CNTNAP5: variants seen among roughly 807,000 people sequenced by gnomAD.
CNTNAP5 encodes contactin-associated protein-like 5.
CNTNAP5 carries 72 observed loss-of-function variants against 150.2 expected under a neutral mutation model. That is an observed-to-expected ratio of 0.48 (90% CI 0.40 to 0.58). The LOEUF (loss-of-function observed/expected upper bound fraction) is 0.58, where lower values mean the gene tolerates loss of function less well. CNTNAP5 is among the 20% of genes least tolerant of loss of function. The pLI is 0.00. For synonymous variants in CNTNAP5, 672 were observed against 619.8 expected (o/e 1.08, Z -1.25); for missense variants, 1,636 against 1,626.2 (o/e 1.01, Z -0.10).
chr2:124,597,250 C>T (rs1026666976), intron 11 of CNTNAP5, among the ~76,000 whole-genome samples: 2 of 149,854 alleles, frequency 1.3e-5, no homozygotes, highest in Non-Finnish European at 3.0e-5. Context: ...ATGGTCTTTA[C>T]ATTTTGGCAT....
intron 13 of CNTNAP5, among the ~76,000 whole-genome samples, chr2:124,736,625 G>A (rs1680387946): frequency 1.3e-5 from 2 of 152,268 alleles, no homozygotes; most frequent in South Asian, 4.1e-4. Context: ...CTTAATAGAT[G>A]TCTCTTTTTG....
rs1031235336 is a variant in CNTNAP5 at position 124,405,618 on chromosome 2, G to T, written c.382-11825G>T. On this transcript the variant is annotated intron_variant, in intron 3 of 23. Transcript: ENST00000682447. ...TCACCTTTAAAATGAAGATAAAACA[G>T]CCTACCTACTTCACAAGAATACTGT... 6.6e-5 allele frequency among the ~76,000 whole-genome samples: 10 copies of T among 152,220 alleles called. No homozygotes were observed. In the East Asian group the frequency reaches 1.5e-3, roughly 23 times the overall value.
intron 1 of CNTNAP5, among the ~76,000 whole-genome samples, chr2:124,136,559 C>G (rs541816949): frequency 6.6e-6 from 1 of 152,280 alleles, no homozygotes; most frequent in African/African-American, 2.4e-5. Context: ...TATTGAGCAT[C>G]TCATGTAATT....
At chr2:124,087,728 C>CA (rs1177876889) in intron 1 of CNTNAP5, among the ~76,000 whole-genome samples, 1 of 151,590 alleles carries the variant, frequency 6.6e-6, no homozygotes, top group Non-Finnish European at 1.5e-5. Context: ...TCTCCAAAAA[C>CA]AAAAAATATA....
At chr2:124,326,204 G>A (rs1216348372) in intron 3 of CNTNAP5, among the ~76,000 whole-genome samples, 1 of 152,142 alleles carries the variant, frequency 6.6e-6, no homozygotes, top group East Asian at 1.9e-4. Flanking sequence ...TGTATCCCCA[G>A]GGAGCCTGTG....
chr2:124,184,414 T>A (rs1291983994), intron 1 of CNTNAP5, among the ~76,000 whole-genome samples: 4 of 152,196 alleles, frequency 2.6e-5, no homozygotes, highest in African/African-American at 9.7e-5. Context: ...ACATTTCAGA[T>A]AAAGAATGAA....
chr2:124,172,707 C>G (rs1684961972), intron 1 of CNTNAP5, among the ~76,000 whole-genome samples: 1 of 152,124 alleles, frequency 6.6e-6, no homozygotes, highest in African/African-American at 2.4e-5. Flanking sequence ...AGCCATGGCA[C>G]CCGGCAGTAT....
At chr2:124,209,856 G>A (rs1399846017) in intron 1 of CNTNAP5, among the ~76,000 whole-genome samples, 1 of 152,210 alleles carries the variant, frequency 6.6e-6, no homozygotes, top group Non-Finnish European at 1.5e-5. Context: ...GATCAAGGAA[G>A]GCTATGGAGT....
intron 1 of CNTNAP5, among the ~76,000 whole-genome samples, chr2:124,140,829 T>C (rs1226743845): frequency 5.0e-5 from 4 of 79,676 alleles, no homozygotes; most frequent in Non-Finnish European, 8.0e-5. Context: ...CTTCAGACGA[T>C]CAAATTACTC....
At chr2:124,262,227 AGAC>A (rs1687477349) in intron 3 of CNTNAP5, among the ~76,000 whole-genome samples, 1 of 152,148 alleles carries the variant, frequency 6.6e-6, no homozygotes. Flanking sequence ...TTTGGGCCAC[AGAC>A]TGGGACCCTG....
intron 11 of CNTNAP5, among the ~76,000 whole-genome samples, chr2:124,582,140 A>G (rs1696428459): frequency 1.3e-5 from 2 of 152,188 alleles, no homozygotes; most frequent in Non-Finnish European, 2.9e-5. Flanking sequence ...GTGTAAAGCG[A>G]TTCCATGCCA....
At position 124,910,839 on chromosome 2, in the gene CNTNAP5, G is replaced by A. The variant is rs191796757; in HGVS notation, c.3656-628G>A. Among the ~76,000 whole-genome samples the A allele has an allele frequency of 4.2e-3, 636 of 151,906 alleles. 2 individuals are homozygous for A. Among genetic ancestry groups the A allele is most frequent in the South Asian group, 7.1e-3 (34 of 4,806 alleles). On this transcript the variant is annotated intron_variant, in intron 22 of 23. Transcript: ENST00000682447. Reference sequence around the variant, plus strand: ...GCATGCATTATATACACACATATAGGTATTACTACTCTCCTTTAATACATG... The same window carrying A: ...GCATGCATTATATACACACATATAGATATTACTACTCTCCTTTAATACATG...
intron 13 of CNTNAP5, among the ~76,000 whole-genome samples, chr2:124,678,005 G>T (rs72845873): frequency 6.6e-6 from 1 of 151,852 alleles, no homozygotes; most frequent in Non-Finnish European, 1.5e-5. Flanking sequence ...CATGTTGGGC[G>T]TTTCTTTAAG....
chr2:124,523,573 A>C (rs555105110), intron 8 of CNTNAP5, among the ~76,000 whole-genome samples: 1 of 152,194 alleles, frequency 6.6e-6, no homozygotes, highest in African/African-American at 2.4e-5. Flanking sequence ...GCAATGGAAT[A>C]GGAGAGAAAA....
At chr2:124,707,107 GAA>G in intron 13 of CNTNAP5, among the ~76,000 whole-genome samples, 1 of 124,230 alleles carries the variant, frequency 8.0e-6, no homozygotes, top group African/African-American at 3.0e-5. Context: ...AGAGGAAGAA[GAA>G]GAGGAAGAAG....
intron 2 of CNTNAP5, among the ~76,000 whole-genome samples, 153 bp downstream of exon 2, chr2:124,221,962 G>C (rs1686332394): frequency 6.6e-6 from 1 of 152,096 alleles, no homozygotes; most frequent in South Asian, 2.1e-4. Flanking sequence ...TCTAATGTAA[G>C]CATACTTCCA....
At chr2:124,276,775 A>G (rs140243760) in intron 3 of CNTNAP5, among the ~76,000 whole-genome samples, 1 of 152,308 alleles carries the variant, frequency 6.6e-6, no homozygotes, top group East Asian at 1.9e-4. Context: ...ACTATTATAG[A>G]CAAATGAGTG....
intron 3 of CNTNAP5, among the ~76,000 whole-genome samples, chr2:124,305,324 T>C (rs910310768): frequency 6.6e-6 from 1 of 151,206 alleles, no homozygotes; most frequent in African/African-American, 2.4e-5. Flanking sequence ...AACCAGAAGC[T>C]GGGGAGTTAG....
At chr2:124,256,222 T>C (rs953569805) in intron 3 of CNTNAP5, among the ~76,000 whole-genome samples, 3 of 152,168 alleles carry the variant, frequency 2.0e-5, no homozygotes, top group Admixed American at 6.6e-5. Context: ...ATTGTCAATG[T>C]CTTTCTAGCT....
Sources: allele counts gnomAD v4.1 joint callset (sites outside exome capture counted in the v4.1 genomes callset), GRCh38; gene constraint gnomAD v4.1.1; transcripts MANE v1.5; gene names NCBI Gene and HGNC (gene_info 2026-07-23, HGNC 2026-07-21).